CREB1: variants seen among roughly 807,000 people sequenced by gnomAD.
CREB1 encodes the protein cyclic AMP-responsive element-binding protein 1.
In CREB1, 2 loss-of-function variants were observed where a neutral mutation model predicts 42.0. The observed-to-expected ratio is 0.05, with a 90% CI of 0.02 to 0.15. The LOEUF (loss-of-function observed/expected upper bound fraction) is 0.15, where lower values mean the gene tolerates loss of function less well. Ranked by LOEUF, CREB1 falls within the 10% of genes least tolerant of loss-of-function variation. CREB1 has a pLI of 1.00. For synonymous variants in CREB1, 123 were observed against 139.9 expected (o/e 0.88, Z 0.85); for missense variants, 199 against 388.9 (o/e 0.51, Z 4.11).
At chr2:207,570,040 C>CA (rs757439012) in intron 4 of CREB1, 139 bp from the exon 5 acceptor site, 25,789 of 174,280 alleles carry the variant, frequency 0.15, 58 homozygotes, top group South Asian at 0.2. Context: ...GACTCCATCT[C>CA]AAAAAAAAAA....
At chr2:207,551,250 C>G (rs2081491991) in intron 1 of CREB1, among the ~76,000 whole-genome samples, 2 of 152,134 alleles carry the variant, frequency 1.3e-5, no homozygotes, top group Admixed American at 6.5e-5. Flanking sequence ...TTTACCTAAA[C>G]TACATTTTAA....
chr2:207,545,037 A>G (rs1157622933), intron 1 of CREB1, among the ~76,000 whole-genome samples: 2 of 152,060 alleles, frequency 1.3e-5, no homozygotes, highest in East Asian at 1.9e-4. Flanking sequence ...GCGTGCATGT[A>G]TTGTTATAAT....
chr2:207,604,762 C>T lies in CREB1; in HGVS notation c.*7704C>T, dbSNP rs1235620701. Among the ~76,000 whole-genome samples, 6 of 152,204 alleles carry T rather than the reference C, an allele frequency of 3.9e-5. No individual in the cohort carries two copies. The highest frequency in any genetic ancestry group is 3.9e-4 in the Admixed American group (6 of 15,282). ...TTTTCTCCTCCCACCGCCCTTGTCC[C>T]TGGCAACCACCAATCTGCTTCCTGT... On this transcript the variant is annotated 3_prime_UTR_variant, in exon 8 of 8. Transcript: ENST00000353267.
intron 7 of CREB1, among the ~76,000 whole-genome samples, chr2:207,596,706 T>C (rs1393103331): frequency 6.6e-6 from 1 of 152,194 alleles, no homozygotes; most frequent in African/African-American, 2.4e-5. Flanking sequence ...GTGCTGGGAT[T>C]ACAGGCGTGA....
intron 1 of CREB1, among the ~76,000 whole-genome samples, chr2:207,540,045 C>G (rs1275091929): frequency 6.6e-6 from 1 of 152,124 alleles, no homozygotes; most frequent in Non-Finnish European, 1.5e-5. Context: ...CAATTCTTCT[C>G]CTTAGTGTAG....
chr2:207,553,684 T>G (rs997529661), intron 1 of CREB1, among the ~76,000 whole-genome samples: 2 of 152,214 alleles, frequency 1.3e-5, no homozygotes, highest in Non-Finnish European at 2.9e-5. Context: ...ATATATGTCT[T>G]CTGATATTAA....
intron 6 of CREB1, among the ~76,000 whole-genome samples, chr2:207,575,657 T>A (rs990232743): frequency 1.3e-5 from 2 of 152,162 alleles, no homozygotes; most frequent in Non-Finnish European, 2.9e-5. Flanking sequence ...CTATTTTCAG[T>A]TTTTAAAATA....
At chr2:207,559,281 TTTTTC>T (rs1276801915) in intron 2 of CREB1, 1 of 980,198 alleles carries the variant, frequency 1.0e-6, no homozygotes, top group Admixed American at 6.1e-5. Context: ...AAGTCTAACT[TTTTTC>T]TTTTGTTTTA....
intron 2 of CREB1, chr2:207,559,231 G>C (rs1441401099): frequency 3.4e-6 from 3 of 884,036 alleles, no homozygotes; most frequent in Non-Finnish European, 4.1e-6. Flanking sequence ...TCCACTCTGT[G>C]CTTGAAATTC....
chr2:207,555,577 C>T (rs902223446), intron 1 of CREB1, 51 bp from the exon 2 acceptor site: 33 of 1,220,920 alleles, frequency 2.7e-5, no homozygotes, highest in Admixed American at 2.4e-4. Context: ...TTTAAAGTCA[C>T]GAAAGCACAA....
chr2:207,548,023 C>T (rs996857038), intron 1 of CREB1, among the ~76,000 whole-genome samples: 8 of 151,990 alleles, frequency 5.3e-5, no homozygotes, highest in Admixed American at 4.6e-4. Context: ...CAACCCCCAC[C>T]TCCCGGGTAC....
intron 1 of CREB1, among the ~76,000 whole-genome samples, chr2:207,550,811 A>C (rs941241644): frequency 2.6e-5 from 4 of 152,202 alleles, no homozygotes; most frequent in African/African-American, 9.7e-5. Context: ...TTTATTAGTA[A>C]GAGTTAGATG....
intron 3 of CREB1, among the ~76,000 whole-genome samples, chr2:207,563,213 A>C (rs76289911): frequency 1.6e-3 from 245 of 152,294 alleles, no homozygotes; most frequent in African/African-American, 5.4e-3. Flanking sequence ...GAATAACAGA[A>C]AGGTATGGCT....
At chr2:207,588,896 G>T (rs989959941) in intron 7 of CREB1, among the ~76,000 whole-genome samples, 4 of 140,370 alleles carry the variant, frequency 2.8e-5, no homozygotes, top group African/African-American at 5.2e-5. Flanking sequence ...TGTCGGGGGG[G>T]GTGTAGATTC....
rs998223915 is a variant in CREB1, at chr2:207,598,793, A to G, written c.*1735A>G. 5.9e-6 allele frequency: 1 copy of G among 169,584 alleles called. No individual in the cohort carries two copies. The highest frequency in any genetic ancestry group is 1.3e-5 in the Non-Finnish European group (1 of 78,190). The allele number at this position is 169,584 out of a possible 1,614,324, so 10.5% of individuals were successfully genotyped here. A position where few individuals can be genotyped will look rare whatever the true frequency, so the allele number is the denominator to read the frequency against. On this transcript the variant is annotated 3_prime_UTR_variant, in exon 8 of 8. Transcript: ENST00000353267. ...ACCCAGGAGGCAGAGGGTTGCAGTG[A>G]GCCGAGATAGCACCATTGCACTCCA...
chr2:207,530,119 G>C lies in CREB1; in HGVS notation c.-24G>C. The stretch of plus-strand genomic sequence containing the variant: ...GGCCGTGAACGAAAGCAGTGACGGA[G>C]GAGCTTGTACCACCGGTAAGAGGAG... On this transcript the variant is annotated 5_prime_UTR_variant, in exon 1 of 8. Transcript: ENST00000353267. 1 of 153,082 alleles carries C rather than the reference G, an allele frequency of 6.5e-6. No individual in the cohort carries two copies. Among genetic ancestry groups the C allele is most frequent in the East Asian group, 1.9e-4 (1 of 5,196 alleles). The allele number at this position is 153,082 out of a possible 1,614,324, so 9.5% of individuals were successfully genotyped here. A position where few individuals can be genotyped will look rare whatever the true frequency, so the allele number is the denominator to read the frequency against.
Position 207,597,143 on chromosome 2 carries a change from C to G in CREB1, c.*85C>G. ...AAAGACAAAATAAACATTTTATTTT[C>G]TAAACATTTCTTTTTTTCTATGCGC... On this transcript the variant is annotated 3_prime_UTR_variant, in exon 8 of 8. Transcript: ENST00000353267. 1 of 1,397,070 alleles carries G rather than the reference C, an allele frequency of 7.2e-7. No homozygotes were observed. The highest frequency in any genetic ancestry group is 9.6e-7 in the Non-Finnish European group (1 of 1,045,646). The allele number at this position is 1,397,070 out of a possible 1,614,324, so 86.5% of individuals were successfully genotyped here.
chr2:207,562,456 C>T (rs1003090341), intron 3 of CREB1, among the ~76,000 whole-genome samples: 2 of 152,032 alleles, frequency 1.3e-5, no homozygotes, highest in Non-Finnish European at 2.9e-5. Context: ...GATTTTATGG[C>T]CATTAAGTAT....
intron 1 of CREB1, among the ~76,000 whole-genome samples, chr2:207,540,460 C>T (rs1319824924): frequency 2.6e-5 from 4 of 151,564 alleles, no homozygotes; most frequent in South Asian, 2.1e-4. Context: ...GGCAAAATGG[C>T]GAAATCCTGT....
Sources: gnomAD v4.1 joint callset for allele counts (sites outside exome capture counted in the v4.1 genomes callset) on GRCh38, gnomAD v4.1.1 for gene constraint, MANE v1.5 for transcripts, NCBI Gene and HGNC (gene_info 2026-07-23, HGNC 2026-07-21) for gene names.